The following NUP62 variants were observed in gnomAD, a reference collection of about 807,000 sequenced individuals.
The protein encoded by NUP62 is nuclear pore glycoprotein p62.
For synonymous variants in NUP62, 305 were observed against 303.4 expected (o/e 1.01, Z -0.05); for missense variants, 647 against 689.4 (o/e 0.94, Z 0.69).
chr19:49,915,075 C>G (rs899945470), intron 2 of NUP62, among the ~76,000 whole-genome samples: 8 of 151,864 alleles, frequency 5.3e-5, no homozygotes, highest in African/African-American at 1.9e-4. Flanking sequence ...GGACAGGAGT[C>G]TGTGCCTGGG....
chr19:49,909,574 T>C lies in NUP62; in HGVS notation c.234A>G (p.Thr78=), dbSNP rs1318364484. ...CAGTTCCCCCCGAAGCAAGAGTCGC[T>C]GTTCCAAAAGTGAAGCCTGTCGTCT... ...ATQTTGFTFG[T]ATLASGGTGF... is the part of the protein sequence containing the mutation. The change falls in exon 3 of 3, where the codon ACA becomes ACG. Residue 78 remains threonine (T), a synonymous_variant. Transcript: ENST00000352066. 6.2e-7 allele frequency: 1 copy of C among 1,614,152 alleles called. No individual in the cohort carries two copies. The highest frequency in any genetic ancestry group is 2.2e-5 in the East Asian group (1 of 44,880).
At chr19:49,923,618 C>T (rs1160306562) in intron 2 of NUP62, among the ~76,000 whole-genome samples, 2 of 152,254 alleles carry the variant, frequency 1.3e-5, no homozygotes, top group African/African-American at 4.8e-5. Flanking sequence ...CACCAGGCCC[C>T]AGAGCAGGAA....
chr19:49,923,060 C>T (rs1030901379), intron 2 of NUP62, among the ~76,000 whole-genome samples: 2 of 151,690 alleles, frequency 1.3e-5, no homozygotes, highest in Admixed American at 6.6e-5. Flanking sequence ...CAGTTGTTAT[C>T]AGTTTGCTGT....
At position 49,907,354 on chromosome 19, in the gene NUP62, G is replaced by A. The variant is rs1167009635; in HGVS notation, c.*885C>T. 3.2e-5 allele frequency: 10 copies of A among 313,624 alleles called. No individual in the cohort carries two copies. The highest frequency in any genetic ancestry group is 1.4e-4 in the African/African-American group (6 of 43,256). 19.4% of individuals were successfully genotyped at this position (313,624 alleles called of 1,614,324 possible). A position where few individuals can be genotyped will look rare whatever the true frequency, so the allele number is the denominator to read the frequency against. Reference sequence around the variant, plus strand: ...CCAGGCAAAAGGCAGGCCTCTCGGCGCCCATCTGTGGTTCCTCAACACCCT... The same window carrying A: ...CCAGGCAAAAGGCAGGCCTCTCGGCACCCATCTGTGGTTCCTCAACACCCT... On this transcript the variant is annotated 3_prime_UTR_variant, in exon 3 of 3. Coordinates refer to ENST00000352066, the MANE Select transcript of NUP62 (RefSeq NM_016553.5).
chr19:49,929,241 A>G (rs766282293), intron 1 of NUP62, 85 bp downstream of exon 1: 2 of 153,248 alleles, frequency 1.3e-5, no homozygotes, highest in Non-Finnish European at 2.9e-5. Flanking sequence ...TTCTCACTAC[A>G]GTGTCGCCGC....
intron 2 of NUP62, among the ~76,000 whole-genome samples, chr19:49,924,155 G>A (rs1299267886): frequency 6.6e-6 from 1 of 152,184 alleles, no homozygotes; most frequent in East Asian, 1.9e-4. Context: ...ATGGGCCTCG[G>A]GGCCCTGGAA....
chr19:49,925,387 G>A (rs1253709651), intron 2 of NUP62, among the ~76,000 whole-genome samples: 2 of 149,074 alleles, frequency 1.3e-5, no homozygotes, highest in Non-Finnish European at 3.0e-5. Flanking sequence ...CAGGAATCAG[G>A]AATTCAAGAC....
chr19:49,924,876 G>A (rs2075848580), intron 2 of NUP62, among the ~76,000 whole-genome samples: 1 of 152,150 alleles, frequency 6.6e-6, no homozygotes. Context: ...GGTGGGGAGG[G>A]GAAGCAGAGT....
At chr19:49,923,138 G>A (rs551903831) in intron 2 of NUP62, among the ~76,000 whole-genome samples, 2 of 152,286 alleles carry the variant, frequency 1.3e-5, no homozygotes, top group South Asian at 4.1e-4. Flanking sequence ...CACAAGGGAG[G>A]GAAGGGGCTC....
intron 2 of NUP62, among the ~76,000 whole-genome samples, chr19:49,924,631 T>C (rs1405972009): frequency 2.0e-5 from 3 of 152,146 alleles, no homozygotes; most frequent in Non-Finnish European, 2.9e-5. Flanking sequence ...ACATGAGTCC[T>C]GAAGGGGCCA....
chr19:49,919,421 C>T (rs542245607), intron 2 of NUP62, among the ~76,000 whole-genome samples: 6 of 152,316 alleles, frequency 3.9e-5, no homozygotes, highest in African/African-American at 1.2e-4. Context: ...TCTTAGAAAT[C>T]GTTTTAAGCA....
At position 49,907,135 on chromosome 19, in the gene NUP62, G is replaced by A. The variant is rs555667842; in HGVS notation, c.*1104C>T. On this transcript the variant is annotated 3_prime_UTR_variant, in exon 3 of 3. Transcript: ENST00000352066. ...CTGGGGACACACGGGGAACGACAGT[G>A]GGTCTCTGCCCATGGGAACTCACAA... is the stretch of plus-strand genomic sequence containing the variant. 6.2e-6 allele frequency: 1 copy of A among 161,770 alleles called. No individual in the cohort carries two copies. The highest frequency in any genetic ancestry group is 1.4e-5 in the Non-Finnish European group (1 of 73,116). 10.0% of individuals were successfully genotyped at this position (161,770 alleles called of 1,614,324 possible).
chr19:49,911,983 G>A (rs16981539), intron 2 of NUP62, among the ~76,000 whole-genome samples: 3,935 of 152,234 alleles, frequency 0.026, 178 homozygotes, highest in African/African-American at 0.09. Context: ...GGCAGCTAAA[G>A]GCATCTGAGC....
At position 49,909,611 on chromosome 19, in the gene NUP62, G is replaced by A. The variant is rs1299848741; in HGVS notation, c.197C>T (p.Thr66Ile). ...STGLFSLATQ[T>I]PATQTTGFTF... ...GAAGCCTGTCGTCTGTGTGGCCGGA[G>A]TCTGGGTGGCAAGTGAGAACAGGCC... is the stretch of plus-strand genomic sequence containing the variant. The change falls in exon 3 of 3, where the codon ACT becomes ATT. Residue 66 changes from threonine to isoleucine, a missense_variant. Coordinates refer to ENST00000352066, the MANE Select transcript of NUP62 (RefSeq NM_016553.5). The A allele has an allele frequency of 6.2e-7, 1 of 1,613,312 alleles. No homozygotes were observed. The highest frequency in any genetic ancestry group is 2.2e-5 in the East Asian group (1 of 44,892).
chr19:49,909,809 G>A lies in NUP62; in HGVS notation c.-2C>T, dbSNP rs559980846. 12 of 1,613,928 alleles carry A rather than the reference G, an allele frequency of 7.4e-6. No homozygotes were observed. In the East Asian group the frequency reaches 2.0e-4, roughly 27 times the overall value. On this transcript the variant is annotated 5_prime_UTR_variant, in exon 3 of 3. Coordinates refer to ENST00000352066, the MANE Select transcript of NUP62 (RefSeq NM_016553.5). ...GCCTCCAAAATTAAACCCGCTCATG[G>A]CTCCGGACTCTGGTGGCGGCAGCTA...
intron 2 of NUP62, 82 bp from the exon 3 acceptor site, chr19:49,909,966 A>G: frequency 4.0e-6 from 3 of 756,880 alleles, no homozygotes; most frequent in South Asian, 1.5e-5. Context: ...GTCGGTTTGG[A>G]GGGTGGTGGG....
intron 2 of NUP62, among the ~76,000 whole-genome samples, chr19:49,915,537 T>C (rs995402123): frequency 6.6e-6 from 1 of 152,222 alleles, no homozygotes; most frequent in Admixed American, 6.5e-5. Context: ...TGAAAATACA[T>C]TCGTGTTGCT....
chr19:49,915,699 C>A (rs1189322976), intron 2 of NUP62, among the ~76,000 whole-genome samples: 1 of 152,188 alleles, frequency 6.6e-6, no homozygotes, highest in Non-Finnish European at 1.5e-5. Flanking sequence ...GGGCTGGGGT[C>A]AGGGGCAGGT....
chr19:49,923,465 C>T (rs928001685), intron 2 of NUP62, among the ~76,000 whole-genome samples: 2 of 152,160 alleles, frequency 1.3e-5, no homozygotes, highest in Non-Finnish European at 2.9e-5. Flanking sequence ...TCGAAGCGTT[C>T]GGGGGAGCAG....
Sources: gnomAD v4.1 joint callset for allele counts (sites outside exome capture counted in the v4.1 genomes callset) on GRCh38, gnomAD v4.1.1 for gene constraint, MANE v1.5 for transcripts, NCBI Gene and HGNC (gene_info 2026-07-23, HGNC 2026-07-21) for gene names.